The following TAFA4 variants were observed in gnomAD, a reference collection of about 807,000 sequenced individuals.
TAFA4 encodes the protein chemokine-like protein TAFA-4.
TAFA4 carries 20 observed loss-of-function variants against 21.1 expected under a neutral mutation model. That is an observed-to-expected ratio of 0.95 (90% CI 0.67 to 1.38). The LOEUF is 1.38. Among genes scored for constraint, TAFA4 ranks in the 40% most tolerant of loss-of-function variants. TAFA4 has a pLI of 0.00. For synonymous variants in TAFA4, 71 were observed against 67.4 expected (o/e 1.05, Z -0.26); for missense variants, 211 against 180.9 (o/e 1.17, Z -0.95).
At chr3:68,754,972 A>T (rs887802175) in intron 3 of TAFA4, among the ~76,000 whole-genome samples, 3 of 152,150 alleles carry the variant, frequency 2.0e-5, no homozygotes, top group African/African-American at 7.2e-5. Context: ...TTCTTCAAGA[A>T]TCCTTGATGA....
intron 1 of TAFA4, among the ~76,000 whole-genome samples, chr3:68,903,511 G>C (rs1255981657): frequency 6.6e-6 from 1 of 152,148 alleles, no homozygotes; most frequent in South Asian, 2.1e-4. Context: ...GTAGTTAACA[G>C]GCTTGCTTGA....
intron 3 of TAFA4, among the ~76,000 whole-genome samples, chr3:68,873,361 C>CACACAA (rs1366279174): frequency 6.9e-6 from 1 of 145,062 alleles, no homozygotes; most frequent in Non-Finnish European, 1.5e-5. Context: ...CACACACACA[C>CACACAA]ACACACACAC....
intron 1 of TAFA4, among the ~76,000 whole-genome samples, chr3:68,898,871 A>G (rs908180826): frequency 6.6e-6 from 1 of 152,208 alleles, no homozygotes; most frequent in African/African-American, 2.4e-5. Context: ...CTAGGCTGGG[A>G]GATTCCACTA....
intron 3 of TAFA4, among the ~76,000 whole-genome samples, chr3:68,870,173 A>G (rs2089466550): frequency 6.6e-6 from 1 of 152,118 alleles, no homozygotes; most frequent in African/African-American, 2.4e-5. Flanking sequence ...AAAGAAAACT[A>G]TTAAACATTG....
chr3:68,846,581 T>C (rs1345357949), intron 3 of TAFA4, among the ~76,000 whole-genome samples: 3 of 152,136 alleles, frequency 2.0e-5, no homozygotes, highest in Admixed American at 1.3e-4. Flanking sequence ...TTGTGATCCT[T>C]TGAAAGAGAA....
In TAFA4 at chr3:68,869,973, C is replaced by CA. The variant is rs2089464914; in HGVS notation, c.130+10756dup. Among the ~76,000 whole-genome samples the CA allele has an allele frequency of 1.3e-5, 2 of 151,896 alleles. 1 individual carries two copies. Among genetic ancestry groups the CA allele is most frequent in the South Asian group, 4.2e-4 (2 of 4,816 alleles). On this transcript the variant is annotated intron_variant, in intron 3 of 5. Coordinates refer to ENST00000295569, the MANE Select transcript of TAFA4 (RefSeq NM_182522.5). The stretch of plus-strand genomic sequence containing the variant: ...ATTTAGAAAAGCCTAAAGATTCCAA[C>CA]AAAAAACACTGAGAACTGATAAGTG...
intron 3 of TAFA4, among the ~76,000 whole-genome samples, chr3:68,761,077 G>A (rs970357454): frequency 2.0e-5 from 3 of 152,166 alleles, no homozygotes; most frequent in Non-Finnish European, 4.4e-5. Context: ...GAACTTAAGA[G>A]TCAAAAGAAC....
intron 3 of TAFA4, among the ~76,000 whole-genome samples, chr3:68,860,808 G>A (rs988891704): frequency 6.6e-6 from 1 of 152,004 alleles, no homozygotes; most frequent in Non-Finnish European, 1.5e-5. Context: ...TCAAGTCCAC[G>A]TTACTTCTTT....
intron 1 of TAFA4, among the ~76,000 whole-genome samples, chr3:68,897,984 C>T (rs2089808964): frequency 6.6e-6 from 1 of 152,086 alleles, no homozygotes; most frequent in South Asian, 2.1e-4. Context: ...AGCAAGGTTG[C>T]AAGGGGATGA....
At chr3:68,906,215 T>C (rs1201136582) in intron 1 of TAFA4, among the ~76,000 whole-genome samples, 1 of 152,182 alleles carries the variant, frequency 6.6e-6, no homozygotes, top group Non-Finnish European at 1.5e-5. Flanking sequence ...CCTCTCTGTC[T>C]CTTGTTCATG....
chr3:68,784,094 G>T (rs956601921), intron 3 of TAFA4, among the ~76,000 whole-genome samples: 1 of 152,190 alleles, frequency 6.6e-6, no homozygotes, highest in African/African-American at 2.4e-5. Context: ...AACACAGATT[G>T]CTTGTCATCA....
At chr3:68,865,676 C>T (rs1220471982) in intron 3 of TAFA4, among the ~76,000 whole-genome samples, 1 of 152,102 alleles carries the variant, frequency 6.6e-6, no homozygotes, top group Non-Finnish European at 1.5e-5. Context: ...TGAATACACT[C>T]AGTCTGGAAT....
In TAFA4 at chr3:68,739,086, T is replaced by G; in HGVS notation, c.400A>C (p.Lys134Gln). 1 of 1,613,832 alleles carries G rather than the reference T, an allele frequency of 6.2e-7. No individual in the cohort carries two copies. Among genetic ancestry groups the G allele is most frequent in the Non-Finnish European group, 8.5e-7 (1 of 1,179,828 alleles). ...TTGTCTATACTTGCCTTCGTAGTTTTGACTTTATTGCCACTGCTACAGGAC... is the reference window on the plus strand; with the variant it reads ...TTGTCTATACTTGCCTTCGTAGTTTGGACTTTATTGCCACTGCTACAGGAC... ...GWSCSSGNKV[K>Q]TTKVTR Residue 134 changes from lysine (K) to glutamine (Q), a missense_variant, in exon 5 of 6, where the codon AAA becomes CAA. Transcript: ENST00000295569.
intron 3 of TAFA4, among the ~76,000 whole-genome samples, chr3:68,775,278 G>A (rs1487889449): frequency 1.3e-5 from 2 of 152,164 alleles, no homozygotes; most frequent in Admixed American, 1.3e-4. Flanking sequence ...AGAGAAGACA[G>A]AGAGAGACTC....
chr3:68,798,140 C>A (rs1703492436), intron 3 of TAFA4, among the ~76,000 whole-genome samples: 1 of 152,122 alleles, frequency 6.6e-6, no homozygotes, highest in African/African-American at 2.4e-5. Flanking sequence ...GGTGGCATGG[C>A]AATATTCTTT....
intron 1 of TAFA4, among the ~76,000 whole-genome samples, chr3:68,924,295 C>A (rs2090086663): frequency 6.6e-6 from 1 of 152,182 alleles, no homozygotes; most frequent in Admixed American, 6.5e-5. Context: ...ATGGATTATT[C>A]AGCCTTAAAA....
At chr3:68,785,467 G>C (rs549901933) in intron 3 of TAFA4, among the ~76,000 whole-genome samples, 1 of 152,244 alleles carries the variant, frequency 6.6e-6, no homozygotes, top group Non-Finnish European at 1.5e-5. Flanking sequence ...CCCCGCGCGG[G>C]AAGGCAGCTA....
Position 68,758,901 on chromosome 3 carries a change from A to G in TAFA4, c.131-5883T>C, listed in dbSNP as rs148619954. Reference sequence around the variant, plus strand: ...GGATGTATACATGGAGAAAAAGAGAAGTATTTTAAGGAATTGTCCCATGCA... The same window carrying G: ...GGATGTATACATGGAGAAAAAGAGAGGTATTTTAAGGAATTGTCCCATGCA... On this transcript the variant is annotated intron_variant, in intron 3 of 5. Transcript: ENST00000295569. Among the ~76,000 whole-genome samples, 802 of 152,326 alleles carry G rather than the reference A, an allele frequency of 5.3e-3. 3 individuals carry two copies. Among genetic ancestry groups the G allele is most frequent in the Middle Eastern group, 0.02 (6 of 294 alleles).
chr3:68,755,360 G>A (rs1702642134), intron 3 of TAFA4, among the ~76,000 whole-genome samples: 1 of 152,228 alleles, frequency 6.6e-6, no homozygotes, highest in Non-Finnish European at 1.5e-5. Context: ...AGAACAAAGA[G>A]TGAATGTAGC....
Sources: allele counts gnomAD v4.1 joint callset (sites outside exome capture counted in the v4.1 genomes callset), GRCh38; gene constraint gnomAD v4.1.1; transcripts MANE v1.5; gene names NCBI Gene and HGNC (gene_info 2026-07-23, HGNC 2026-07-21).